Variants in WARS1 observed in about 807,000 individuals in gnomAD.
The protein encoded by WARS1 is tryptophan--tRNA ligase, cytoplasmic.
Under a neutral mutation model 47.8 loss-of-function variants are expected in WARS1, and 17 were observed. That is an observed-to-expected ratio of 0.36 (90% CI 0.24 to 0.53). The LOEUF (loss-of-function observed/expected upper bound fraction) is 0.53. Ranked by LOEUF, WARS1 falls within the 20% of genes least tolerant of loss-of-function variation. WARS1 has a pLI of 0.91. For missense variants in WARS1, 434 were observed against 608.0 expected (o/e 0.71, Z 3.01); for synonymous variants, 208 against 228.1 (o/e 0.91, Z 0.79).
At chr14:100,343,823 T>A (rs1295162839) in intron 7 of WARS1, among the ~76,000 whole-genome samples, 1 of 152,128 alleles carries the variant, frequency 6.6e-6, no homozygotes, top group Non-Finnish European at 1.5e-5. Flanking sequence ...TTAGTAGAGA[T>A]GAGGTTTCAT....
At chr14:100,342,727 T>C (rs981315565) in intron 8 of WARS1, among the ~76,000 whole-genome samples, 156 bp from the exon 9 acceptor site, 1 of 151,290 alleles carries the variant, frequency 6.6e-6, no homozygotes, top group East Asian at 1.9e-4. Context: ...TTTTTTTTTT[T>C]AAATTTTACT....
In WARS1 at chr14:100,366,080, G is replaced by A. The variant is rs1201540344; in HGVS notation, c.99+3007C>T. On this transcript the variant is annotated intron_variant, in intron 2 of 10. Coordinates refer to ENST00000392882, the MANE Select transcript of WARS1 (RefSeq NM_004184.4). ...GTCACAGTTTCCCCTCCATTCCAAG[G>A]TTTCATGTCAAGAGAGGACAGAGTT... 6.6e-6 allele frequency: 3 copies of A among 455,854 alleles called. No individual in the cohort carries two copies. In the Admixed American group the frequency reaches 7.0e-5, roughly 11 times the overall value. The allele number at this position is 455,854 out of a possible 1,614,324, so 28.2% of individuals were successfully genotyped here. A position where few individuals can be genotyped will look rare whatever the true frequency, so the allele number is the denominator to read the frequency against.
intron 7 of WARS1, among the ~76,000 whole-genome samples, chr14:100,344,415 T>C (rs1455705998): frequency 2.0e-5 from 3 of 152,118 alleles, no homozygotes; most frequent in Admixed American, 6.5e-5. Flanking sequence ...AGTGCAGTGG[T>C]GTGATCTCGG....
intron 4 of WARS1, among the ~76,000 whole-genome samples, chr14:100,356,406 G>C (rs1254366074): frequency 3.4e-5 from 5 of 146,394 alleles, no homozygotes; most frequent in South Asian, 2.3e-4. Context: ...TGTGGGGGGG[G>C]GTGTGGAATA....
chr14:100,343,166 C>A, intron 8 of WARS1, 109 bp downstream of exon 8: 1 of 923,874 alleles, frequency 1.1e-6, no homozygotes, highest in Non-Finnish European at 1.5e-6. Flanking sequence ...CGTGAGCCAC[C>A]CTGCCTGGCT....
At chr14:100,353,343 C>T (rs11626882) in intron 6 of WARS1, among the ~76,000 whole-genome samples, 103,932 of 151,908 alleles carry the variant, frequency 0.68, 36,753 homozygotes, top group Admixed American at 0.81. Context: ...CTCCACCTCC[C>T]GGGTTCAAGC....
In WARS1 at chr14:100,334,988, T is replaced by C. The variant is rs1893609998; in HGVS notation, c.1303A>G (p.Ile435Val). 3.1e-6 allele frequency: 5 copies of C among 1,614,076 alleles called. No individual in the cohort carries two copies. In the Admixed American group the frequency reaches 6.7e-5, roughly 22 times the overall value. ...MLTGELKKAL[I>V]EVLQPLIAEH... ...GCGATCAAGGGCTGCAGAACCTCTATGAGTGCCTTCTTGAGCTCACCGGTG... is the reference window on the plus strand; with the variant it reads ...GCGATCAAGGGCTGCAGAACCTCTACGAGTGCCTTCTTGAGCTCACCGGTG... The change falls in exon 11 of 11, where the codon ATA becomes GTA. Residue 435 changes from isoleucine (I) to valine (V), a missense_variant. This residue lies in a region of WARS1 where 347 missense variants were observed against 523.8 expected (regional missense o/e 0.66). Transcript: ENST00000392882.
chr14:100,344,689 C>A (rs1194769723), intron 7 of WARS1, among the ~76,000 whole-genome samples: 2 of 151,792 alleles, frequency 1.3e-5, no homozygotes, highest in African/African-American at 2.4e-5. Flanking sequence ...AGTGTCTCTG[C>A]CCGGCCGCCC....
intron 7 of WARS1, among the ~76,000 whole-genome samples, chr14:100,344,803 T>C (rs1894439852): frequency 6.6e-6 from 1 of 151,324 alleles, no homozygotes; most frequent in Admixed American, 6.6e-5. Flanking sequence ...GGAGCGTCTC[T>C]GCCCGGCCGC....
upstream of WARS1, chr14:100,376,272 GGC>G (rs1896657396): frequency 6.9e-6 from 5 of 726,342 alleles, 1 homozygote; most frequent in African/African-American, 5.4e-5. Flanking sequence ...TGCCCAGCCG[GGC>G]CAGTCAGCGC....
intron 9 of WARS1, among the ~76,000 whole-genome samples, chr14:100,339,490 T>C (rs35102588): frequency 0.36 from 53,788 of 149,950 alleles, 11,817 homozygotes; most frequent in South Asian, 0.67. Context: ...CTCGGGAGCC[T>C]TGAGGCAGGA....
chr14:100,339,608 A>AAC (rs1323951505), intron 9 of WARS1, among the ~76,000 whole-genome samples: 1 of 151,362 alleles, frequency 6.6e-6, no homozygotes, highest in African/African-American at 2.4e-5. Context: ...AAAAAAAAAA[A>AAC]AGGAAAAAAA....
rs1894242929 is a variant in WARS1 at position 100,342,588 on chromosome 14, G to A, written c.940-17C>T. 3 of 1,596,750 alleles carry A rather than the reference G, an allele frequency of 1.9e-6. No individual in the cohort carries two copies. The Admixed American group carries it at 5.1e-5, about 27-fold the overall frequency. On this transcript the variant is annotated splice_polypyrimidine_tract_variant and intron_variant, in intron 8 of 10. Transcript: ENST00000392882. ...GTAAGGATCCTGTGGGGAGAGTAAG[G>A]ACCCTGATGAGGGCGGCCAGAAAAC...
chr14:100,343,882 C>T (rs1355740828), intron 7 of WARS1, among the ~76,000 whole-genome samples: 1 of 152,218 alleles, frequency 6.6e-6, no homozygotes, highest in South Asian at 2.1e-4. Flanking sequence ...ATCTGCCCAC[C>T]TCGGCCTCCC....
At chr14:100,341,956 A>G (rs1595410974) in intron 9 of WARS1, 1 of 270,326 alleles carries the variant, frequency 3.7e-6, no homozygotes, top group African/African-American at 2.2e-5. Flanking sequence ...GAATAGCACC[A>G]CCACCTCCCA....
Position 100,354,430 on chromosome 14 carries a change from T to C in WARS1, c.542+17A>G. On this transcript the variant is annotated intron_variant, in intron 5 of 10. Coordinates refer to ENST00000392882, the MANE Select transcript of WARS1 (RefSeq NM_004184.4). ...TTCACTAAGAGAGTAAGAAAAGCCATAAGATCCAATACTTACTTTGTGAAA... is the reference window on the plus strand; with the variant it reads ...TTCACTAAGAGAGTAAGAAAAGCCACAAGATCCAATACTTACTTTGTGAAA... 1 of 1,607,182 alleles carries C rather than the reference T, an allele frequency of 6.2e-7. No homozygotes were observed. The highest frequency in any genetic ancestry group is 8.5e-7 in the Non-Finnish European group (1 of 1,178,040).
Position 100,371,447 on chromosome 14 carries a change from C to CAAAAAAAAAAAAAAAAAAAAAAAAAAAA in WARS1, c.-73-2190_-73-2189insTTTTTTTTTTTTTTTTTTTTTTTTTTTT, listed in dbSNP as rs60977618. On this transcript the variant is annotated intron_variant, in intron 1 of 10. Transcript: ENST00000392882. ...CCTGGGTGACAGAAAGGTTCTGTCT[C>CAAAAAAAAAAAAAAAAAAAAAAAAAAAA]AAAAAAAAAAAAAAAAAAAAGTAGG... Among the ~76,000 whole-genome samples the CAAAAAAAAAAAAAAAAAAAAAAAAAAAA allele has an allele frequency of 2.3e-3, 205 of 89,034 alleles. 13 individuals carry two copies. The highest frequency in any genetic ancestry group is 0.016 in the Middle Eastern group (2 of 128). The allele number at this position is 89,034 out of a possible 152,430, so 58.4% of individuals were successfully genotyped here.
At chr14:100,353,122 T>C (rs1336377902) in intron 6 of WARS1, 1 of 152,290 alleles carries the variant, frequency 6.6e-6, no homozygotes, top group African/African-American at 2.4e-5. Context: ...TTTAAATTTC[T>C]GTAAATGTAA....
At chr14:100,360,697 C>A (rs1895610404) in intron 3 of WARS1, 35 bp from the exon 4 acceptor site, 2 of 1,528,444 alleles carry the variant, frequency 1.3e-6, no homozygotes, top group Non-Finnish European at 1.8e-6. Flanking sequence ...TCTTAGGTGG[C>A]AGGAGGTTTA....
Sources: gnomAD v4.1 joint callset for allele counts (sites outside exome capture counted in the v4.1 genomes callset) on GRCh38, gnomAD v4.1.1 for gene constraint, gnomAD v4.1.1 regional missense constraint, MANE v1.5 for transcripts, NCBI Gene and HGNC (gene_info 2026-07-23, HGNC 2026-07-21) for gene names.